UEVLD: variants seen among roughly 807,000 people sequenced by gnomAD.
UEVLD encodes ubiquitin-conjugating enzyme E2 variant 3.
In UEVLD, 47 loss-of-function variants were observed where a neutral mutation model predicts 58.6. The observed-to-expected ratio is 0.80, with a 90% CI of 0.63 to 1.02. The LOEUF (loss-of-function observed/expected upper bound fraction) is 1.02. Ranked by LOEUF, UEVLD falls within the 50% of genes least tolerant of loss-of-function variation. UEVLD has a pLI of 0.00. For missense variants in UEVLD, 510 were observed against 550.6 expected, an observed-to-expected ratio of 0.93 and a Z score of 0.74; for synonymous variants, 197 against 195.3, an observed-to-expected ratio of 1.01 and a Z score of -0.07.
intron 6 of UEVLD, among the ~76,000 whole-genome samples, chr11:18,561,236 C>T (rs181598404): frequency 1.3e-5 from 2 of 152,280 alleles, no homozygotes; most frequent in African/African-American, 4.8e-5. Context: ...CCGCCCTATG[C>T]CTTTGTTTCT....
chr11:18,544,548 T>A, intron 9 of UEVLD, 75 bp downstream of exon 9: 1 of 1,498,286 alleles, frequency 6.7e-7, no homozygotes, highest in South Asian at 1.3e-5. Context: ...CTTCAAGCAA[T>A]CCTGCCTTGG....
At chr11:18,585,364 A>G (rs1260314596) in intron 1 of UEVLD, among the ~76,000 whole-genome samples, 3 of 152,136 alleles carry the variant, frequency 2.0e-5, no homozygotes, top group Non-Finnish European at 4.4e-5. Flanking sequence ...GGAAATTTTT[A>G]TGTTTGGCGT....
At chr11:18,537,857 T>G (rs1850876875) in intron 9 of UEVLD, among the ~76,000 whole-genome samples, 1 of 151,900 alleles carries the variant, frequency 6.6e-6, no homozygotes, top group Non-Finnish European at 1.5e-5. Flanking sequence ...GAGACAGGAT[T>G]TCACCATGTT....
In UEVLD at chr11:18,586,464, G is replaced by A. The variant is rs1488252833; in HGVS notation, c.42+2149C>T. 3.9e-5 allele frequency among the ~76,000 whole-genome samples: 6 copies of A among 152,150 alleles called. No homozygotes were observed. In the South Asian group the frequency reaches 1.0e-3, roughly 26 times the overall value. ...ACTCCTGGCCGCAGGTGATCTACCC[G>A]CCTCGGTCTCCCAAAGTGCTGGAAT... On this transcript the variant is annotated intron_variant, in intron 1 of 11. Transcript: ENST00000396197.
intron 7 of UEVLD, among the ~76,000 whole-genome samples, chr11:18,556,867 C>A (rs1851776430): frequency 6.6e-6 from 1 of 151,830 alleles, no homozygotes; most frequent in African/African-American, 2.4e-5. Flanking sequence ...CTGAGGCGGG[C>A]AGATCACTTG....
rs372315047 is a variant in UEVLD at position 18,561,901 on chromosome 11, G to GA, written c.612+2990dup. ...GTGACTGAGCGAGACTCCATCTCAA[G>GA]AAAAAAAAAAGAGTCAAGTGTTTAG... On this transcript the variant is annotated intron_variant, in intron 6 of 11. Transcript: ENST00000396197. Among the ~76,000 whole-genome samples, 1,252 of 143,832 alleles carry GA rather than the reference G, an allele frequency of 8.7e-3. 15 individuals are homozygous for GA. Among genetic ancestry groups the GA allele is most frequent in the African/African-American group, 0.03 (1,165 of 39,200 alleles). 94.4% of individuals were successfully genotyped at this position (143,832 alleles called of 152,430 possible).
In UEVLD at chr11:18,566,238, T is replaced by C. The variant is rs908810094; in HGVS notation, c.493+109A>G. ...TTCTTATTTCAAAAACAGATGTACA[T>C]ACGCACACAAATTTATTTATAAAAA... On this transcript the variant is annotated intron_variant, in intron 5 of 11. Transcript: ENST00000396197. 279 of 1,469,664 alleles carry C rather than the reference T, an allele frequency of 1.9e-4. 2 individuals are homozygous for C. The highest frequency in any genetic ancestry group is 2.2e-5 in the Non-Finnish European group (24 of 1,076,478). 91.0% of individuals were successfully genotyped at this position (1,469,664 alleles called of 1,614,324 possible). A position where few individuals can be genotyped will look rare whatever the true frequency, so the allele number is the denominator to read the frequency against.
intron 1 of UEVLD, among the ~76,000 whole-genome samples, chr11:18,579,261 T>C (rs1853107765): frequency 6.6e-6 from 1 of 152,140 alleles, no homozygotes; most frequent in Admixed American, 6.5e-5. Context: ...ACAACAACCC[T>C]ACCAGGTAGG....
At position 18,532,275 on chromosome 11, in the gene UEVLD, T is replaced by G. The variant is rs1279885003; in HGVS notation, c.*45A>C. 6.5e-7 allele frequency: 1 copy of G among 1,534,478 alleles called. No individual in the cohort carries two copies. The highest frequency in any genetic ancestry group is 8.7e-7 in the Non-Finnish European group (1 of 1,142,950). Reference sequence around the variant, plus strand: ...TATATATAGGTAAAATTAAATGACTTTTCCCTTTAGGTAGAAGTCCAGCCT... The same window carrying G: ...TATATATAGGTAAAATTAAATGACTGTTCCCTTTAGGTAGAAGTCCAGCCT... On this transcript the variant is annotated 3_prime_UTR_variant, in exon 12 of 12. Transcript: ENST00000396197.
In UEVLD at chr11:18,543,648, T is replaced by C. The variant is rs142999288; in HGVS notation, c.1060+975A>G. Among the ~76,000 whole-genome samples the C allele has an allele frequency of 1.5e-4, 23 of 152,346 alleles. No homozygotes were observed. In the East Asian group the frequency reaches 4.4e-3, roughly 29 times the overall value. On this transcript the variant is annotated intron_variant, in intron 9 of 11. Transcript: ENST00000396197. ...TTTGGCACTTACTCTAATAGTATACTATTATCTTTATTTTACTCATATACT... is the reference window on the plus strand; with the variant it reads ...TTTGGCACTTACTCTAATAGTATACCATTATCTTTATTTTACTCATATACT...
chr11:18,541,186 C>T (rs942090255), intron 9 of UEVLD, among the ~76,000 whole-genome samples: 16 of 152,130 alleles, frequency 1.1e-4, no homozygotes, highest in African/African-American at 3.9e-4. Context: ...CTTACTCATT[C>T]AATATTTATT....
At position 18,547,136 on chromosome 11, in the gene UEVLD, C is replaced by A. The variant is rs575428925; in HGVS notation, c.716-86G>T. 2.8e-5 allele frequency: 39 copies of A among 1,403,950 alleles called. 1 individual carries two copies. The South Asian group carries it at 5.4e-4, about 19-fold the overall frequency. The allele number at this position is 1,403,950 out of a possible 1,614,324, so 87.0% of individuals were successfully genotyped here. ...ACGATTAAAAGGTTGTTCTTTTCAA[C>A]AAATAAGAGAGCTTTTAGGCACGCC... On this transcript the variant is annotated intron_variant, in intron 7 of 11. Transcript: ENST00000396197.
chr11:18,558,929 C>G (rs1851879861), intron 6 of UEVLD, among the ~76,000 whole-genome samples: 1 of 151,928 alleles, frequency 6.6e-6, no homozygotes, highest in African/African-American at 2.4e-5. Context: ...GGCTGGAGTG[C>G]AATGGTACAA....
intron 10 of UEVLD, 22 bp downstream of exon 10, chr11:18,536,384 G>T: frequency 6.2e-7 from 1 of 1,610,516 alleles, no homozygotes. Flanking sequence ...TTGGATAAAT[G>T]CAAATTTCCA....
In UEVLD at chr11:18,530,407, TTTTC is replaced by T. The variant is rs1195237721; in HGVS notation, c.*1909_*1912del. The T allele has an allele frequency of 4.0e-4, 61 of 152,354 alleles. No individual in the cohort carries two copies. Among genetic ancestry groups the T allele is most frequent in the African/African-American group, 1.2e-3 (49 of 41,588 alleles). 9.4% of individuals were successfully genotyped at this position (152,354 alleles called of 1,614,324 possible). A position where few individuals can be genotyped will look rare whatever the true frequency, so the allele number is the denominator to read the frequency against. ...ATGGGTTACTGAATATAATTTCACC[TTTTC>T]TTTATGACTAAAGTTCATCATTATA... is the stretch of plus-strand genomic sequence containing the variant. On this transcript the variant is annotated 3_prime_UTR_variant, in exon 12 of 12. Transcript: ENST00000396197.
intron 2 of UEVLD, among the ~76,000 whole-genome samples, chr11:18,576,661 C>G (rs928111856): frequency 2.0e-5 from 3 of 152,174 alleles, no homozygotes; most frequent in African/African-American, 7.2e-5. Context: ...ATTTTGCAGG[C>G]CCTACACTTG....
chr11:18,569,007 G>A (rs1038698939), intron 4 of UEVLD, among the ~76,000 whole-genome samples: 4 of 151,908 alleles, frequency 2.6e-5, no homozygotes, highest in African/African-American at 9.7e-5. Flanking sequence ...CCATTCTACT[G>A]CCTCAGCCTC....
At chr11:18,581,803 TAGCTCTTCAC>T (rs1853254896) in intron 1 of UEVLD, among the ~76,000 whole-genome samples, 1 of 152,220 alleles carries the variant, frequency 6.6e-6, no homozygotes, top group East Asian at 1.9e-4. Flanking sequence ...CTCATTGTTC[TAGCTCTTCAC>T]AGTACTTAGT....
rs774558564 is a variant in UEVLD at position 18,584,756 on chromosome 11, C to T, written c.42+3857G>A. Among the ~76,000 whole-genome samples, 11 of 152,002 alleles carry T rather than the reference C, an allele frequency of 7.2e-5. 1 individual carries two copies. The highest frequency in any genetic ancestry group is 1.6e-4 in the Non-Finnish European group (11 of 67,928). On this transcript the variant is annotated intron_variant, in intron 1 of 11. Coordinates refer to ENST00000396197, the MANE Select transcript of UEVLD (RefSeq NM_001040697.4). The stretch of plus-strand genomic sequence containing the variant: ...CAAGCGATTCTCCTGTCTCAGCCTC[C>T]TGAGTAGCTGGGACTACAGGCCCAT...
Sources: gnomAD v4.1 joint callset for allele counts (sites outside exome capture counted in the v4.1 genomes callset) on GRCh38, gnomAD v4.1.1 for gene constraint, MANE v1.5 for transcripts, NCBI Gene and HGNC (gene_info 2026-07-23, HGNC 2026-07-21) for gene names.